Variants in ACOX2 observed in about 807,000 individuals in gnomAD.
ACOX2 encodes acyl-CoA oxidase 2, also known as peroxisomal acyl-coenzyme A oxidase 2.
In ACOX2, 59 loss-of-function variants were observed where a neutral mutation model predicts 77.5. That is an observed-to-expected ratio of 0.76 (90% confidence interval 0.62 to 0.95). The LOEUF is 0.95. Ranked by LOEUF, ACOX2 falls within the 40% of genes least tolerant of loss-of-function variation. The pLI, the probability that ACOX2 is intolerant of heterozygous loss-of-function variation, is 0.00. For synonymous variants in ACOX2, 317 were observed against 340.1 expected, an observed-to-expected ratio of 0.93 and a Z score of 0.75; for missense variants, 837 against 880.4, an observed-to-expected ratio of 0.95 and a Z score of 0.62.
At chr3:58,509,567 T>C (rs957836192) in intron 13 of ACOX2, among the ~76,000 whole-genome samples, 2 of 151,028 alleles carry the variant, frequency 1.3e-5, no homozygotes, top group Admixed American at 1.3e-4. Flanking sequence ...AGCATATACC[T>C]GTCTGATTTC....
In ACOX2 at chr3:58,534,645, A is replaced by G; in HGVS notation, c.161-123T>C. The G allele has an allele frequency of 6.4e-7, 1 of 1,566,962 alleles. No homozygotes were observed. Among genetic ancestry groups the G allele is most frequent in the African/African-American group, 1.3e-5 (1 of 74,292 alleles). The stretch of plus-strand genomic sequence containing the variant: ...GTCAGACATTATTGTTATTTTACAG[A>G]TGACAAAACTGAGGACCAAGGTGGG... On this transcript the variant is annotated intron_variant, in intron 2 of 14. Coordinates refer to ENST00000302819, the MANE Select transcript of ACOX2 (RefSeq NM_003500.4). This position sits in a 1 kb window ranked among gnomAD's most constrained non-coding sequence, Gnocchi z 4.8.
In ACOX2 at chr3:58,525,515, C is replaced by A. The variant is rs2063387891; in HGVS notation, c.1347-910G>T. On this transcript the variant is annotated intron_variant, in intron 10 of 14. Transcript: ENST00000302819. The surrounding 1 kb of genome is among the most constrained non-coding windows in gnomAD (Gnocchi z 5.0). ...GGAGCCTCTGTGTGCAGGCTCTGCACCAAGCTTAGGCGATGCTAAAGCGAG... is the reference window on the plus strand; with the variant it reads ...GGAGCCTCTGTGTGCAGGCTCTGCAACAAGCTTAGGCGATGCTAAAGCGAG... Among the ~76,000 whole-genome samples, 1 of 152,160 alleles carries A rather than the reference C, an allele frequency of 6.6e-6. No homozygotes were observed. Among genetic ancestry groups the A allele is most frequent in the South Asian group, 2.1e-4 (1 of 4,832 alleles).
chr3:58,510,668 ATAT>A (rs2063275987), intron 13 of ACOX2, among the ~76,000 whole-genome samples: 5 of 7,392 alleles, frequency 6.8e-4, no homozygotes, highest in African/African-American at 3.2e-3. Flanking sequence ...AAAAAAATAT[ATAT>A]ATATATATAT....
intron 8 of ACOX2, 190 bp from the exon 9 acceptor site, chr3:58,529,146 G>T (rs1560218785): frequency 5.8e-6 from 3 of 513,426 alleles, no homozygotes; most frequent in Non-Finnish European, 6.5e-6. Context: ...TTCACTGCAG[G>T]AATACTGACA....
chr3:58,536,764 G>A (rs911129679), intron 1 of ACOX2, among the ~76,000 whole-genome samples: 2 of 152,028 alleles, frequency 1.3e-5, no homozygotes. Flanking sequence ...ACCTTAAAGA[G>A]GCCACCCTCT....
rs749301026 is a variant in ACOX2, at chr3:58,528,803, G to T, written c.1146C>A (p.Phe382Leu). 5.0e-6 allele frequency: 8 copies of T among 1,608,610 alleles called. No homozygotes were observed. Among genetic ancestry groups the T allele is most frequent in the South Asian group, 1.1e-5 (1 of 89,850 alleles). Residue 382 changes from phenylalanine to leucine, a missense_variant, in exon 9 of 15, where the codon TTC becomes TTA. Phe to Leu is a conservative substitution (Grantham distance 22). Transcript: ENST00000302819. This position sits in a 1 kb window ranked among gnomAD's most constrained non-coding sequence, Gnocchi z 5.6. ...YTAILNQDFS[F>L]LPELHALSTG... ...CGCAGACAGCAGGTACCTCAGGCAG[G>T]AAGCTGAAGTCTTGGTTCAGAATGG...
At position 58,531,689 on chromosome 3, in the gene ACOX2, T is replaced by C; in HGVS notation, c.703+4A>G. On this transcript the variant is annotated splice_donor_region_variant and intron_variant, in intron 6 of 14. Coordinates refer to ENST00000302819, the MANE Select transcript of ACOX2 (RefSeq NM_003500.4). The surrounding 1 kb of genome is among the most constrained non-coding windows in gnomAD (Gnocchi z 5.8). ...GGTTCCTTGAGGGAGCATTATGGGCTTACCTGGCAGTGGGGTGTGGTCCTG... is the reference window on the plus strand; with the variant it reads ...GGTTCCTTGAGGGAGCATTATGGGCCTACCTGGCAGTGGGGTGTGGTCCTG... The C allele has an allele frequency of 1.2e-6, 2 of 1,613,714 alleles. No individual in the cohort carries two copies. Among genetic ancestry groups the C allele is most frequent in the Non-Finnish European group, 1.7e-6 (2 of 1,179,782 alleles).
At chr3:58,520,664 G>T (rs9819365) in intron 12 of ACOX2, among the ~76,000 whole-genome samples, 17,863 of 152,280 alleles carry the variant, frequency 0.12, 1,147 homozygotes, top group East Asian at 0.22. Flanking sequence ...CCAGTTGGGT[G>T]CTGAAGCTTT....
At position 58,536,447 on chromosome 3, in the gene ACOX2, A is replaced by G. The variant is rs908633739; in HGVS notation, c.-92+672T>C. 9.2e-5 allele frequency among the ~76,000 whole-genome samples: 14 copies of G among 152,178 alleles called. 1 individual carries two copies. Among genetic ancestry groups the G allele is most frequent in the Non-Finnish European group, 1.8e-4 (12 of 68,026 alleles). On this transcript the variant is annotated intron_variant, in intron 1 of 14. Transcript: ENST00000302819. ...GGGCCTTGGAAAGGGAGGAGACTTT[A>G]TAAGGGTCATGCAACCACATGTAGC...
intron 13 of ACOX2, 113 bp from the exon 14 acceptor site, chr3:58,509,138 CA>C: frequency 4.7e-6 from 6 of 1,271,286 alleles, no homozygotes; most frequent in Non-Finnish European, 6.6e-6. Context: ...ATTCGCTTTT[CA>C]AACAATTCAG....
rs1362045365 is a variant in ACOX2, at chr3:58,534,941, C to T, written c.160+6G>A. 6.2e-7 allele frequency: 1 copy of T among 1,614,120 alleles called. No homozygotes were observed. On this transcript the variant is annotated splice_donor_region_variant and intron_variant, in intron 2 of 14. Transcript: ENST00000302819. The surrounding 1 kb of genome is among the most constrained non-coding windows in gnomAD (Gnocchi z 4.8). ...ACAGATGTCCCATTCCCCAGCTTCC[C>T]CTTACCAACTTTCCTGCGGAGTGCA...
chr3:58,534,299 G>A lies in ACOX2; in HGVS notation c.323+61C>T. 1 of 1,601,718 alleles carries A rather than the reference G, an allele frequency of 6.2e-7. No individual in the cohort carries two copies. Among genetic ancestry groups the A allele is most frequent in the South Asian group, 1.1e-5 (1 of 89,278 alleles). On this transcript the variant is annotated intron_variant, in intron 3 of 14. Coordinates refer to ENST00000302819, the MANE Select transcript of ACOX2 (RefSeq NM_003500.4). The surrounding 1 kb of genome is among the most constrained non-coding windows in gnomAD (Gnocchi z 4.8). Reference sequence around the variant, plus strand: ...TGGGGGAAATGGCTCATGGGGCTAGGGGGTTTCCAGGTGATCCCAGGTAGA... The same window carrying A: ...TGGGGGAAATGGCTCATGGGGCTAGAGGGTTTCCAGGTGATCCCAGGTAGA...
Position 58,533,791 on chromosome 3 carries a change from C to A in ACOX2, c.475+203G>T, listed in dbSNP as rs1298445393. On this transcript the variant is annotated intron_variant, in intron 4 of 14. Coordinates refer to ENST00000302819, the MANE Select transcript of ACOX2 (RefSeq NM_003500.4). This position sits in a 1 kb window ranked among gnomAD's most constrained non-coding sequence, Gnocchi z 5.6. ...TGATGTTTCCAGAAGGAATGACTTGCCCCACTGGGAGCTCATACAATACGT... is the reference window on the plus strand; with the variant it reads ...TGATGTTTCCAGAAGGAATGACTTGACCCACTGGGAGCTCATACAATACGT... 1 of 724,236 alleles carries A rather than the reference C, an allele frequency of 1.4e-6. No homozygotes were observed. Among genetic ancestry groups the A allele is most frequent in the Admixed American group, 2.9e-5 (1 of 34,420 alleles). The allele number at this position is 724,236 out of a possible 1,614,324, so 44.9% of individuals were successfully genotyped here. A position where few individuals can be genotyped will look rare whatever the true frequency, so the allele number is the denominator to read the frequency against.
rs559793867 is a variant in ACOX2, at chr3:58,522,556, G to A, written c.1572C>T (p.Ser524=). ...SVQHLQTLTQ[S]GADQHEAWNQ... The stretch of plus-strand genomic sequence containing the variant: ...TCCAAGCCTCGTGCTGGTCAGCTCC[G>A]GATTGCGTCAGGGTCTGTAAATGCT... Residue 524 remains serine, a synonymous_variant, in exon 12 of 15, where the codon TCC becomes TCT. Transcript: ENST00000302819. The surrounding 1 kb of genome is among the most constrained non-coding windows in gnomAD (Gnocchi z 4.3). The A allele has an allele frequency of 3.1e-5, 50 of 1,614,152 alleles. No homozygotes were observed. The East Asian group carries it at 4.2e-4, about 14-fold the overall frequency.
chr3:58,508,215 A>T (rs1020291323), intron 14 of ACOX2, among the ~76,000 whole-genome samples: 27 of 152,112 alleles, frequency 1.8e-4, no homozygotes, highest in African/African-American at 6.5e-4. Context: ...CTGGCCCTTG[A>T]GTGTTGGGAC....
rs1291048068 is a variant in ACOX2 at position 58,531,763 on chromosome 3, T to G, written c.633A>C (p.Ser211=). ...HALVQAQLIC[S]GARRGMHAFI... Reference sequence around the variant, plus strand: ...AAGCGTGCATGCCCCGCCTGGCTCCTGAGCAGATCAGCTGGGCCTGGACCA... The same window carrying G: ...AAGCGTGCATGCCCCGCCTGGCTCCGGAGCAGATCAGCTGGGCCTGGACCA... Residue 211 remains serine (S), a synonymous_variant, in exon 6 of 15, where the codon TCA becomes TCC. Transcript: ENST00000302819. The surrounding 1 kb of genome is among the most constrained non-coding windows in gnomAD (Gnocchi z 5.8). The G allele has an allele frequency of 6.2e-7, 1 of 1,614,184 alleles. No individual in the cohort carries two copies. Among genetic ancestry groups the G allele is most frequent in the East Asian group, 2.2e-5 (1 of 44,872 alleles).
At chr3:58,510,663 AATATATATATATAT>A (rs1364040351) in intron 13 of ACOX2, among the ~76,000 whole-genome samples, 9 of 14,364 alleles carry the variant, frequency 6.3e-4, no homozygotes, top group African/African-American at 1.5e-3. Flanking sequence ...AAAAAAAAAA[AATATATATATATAT>A]ATATATATAT....
At position 58,533,077 on chromosome 3, in the gene ACOX2, A is replaced by C. The variant is rs1392553590; in HGVS notation, c.583+368T>G. Among the ~76,000 whole-genome samples the C allele has an allele frequency of 6.6e-6, 1 of 152,140 alleles. No homozygotes were observed. The highest frequency in any genetic ancestry group is 6.5e-5 in the Admixed American group (1 of 15,284). The stretch of plus-strand genomic sequence containing the variant: ...CAGGGCCTGTGCTCTGGCTGGTGGC[A>C]AGCTCTGCCACTAACTCGGGAGATG... On this transcript the variant is annotated intron_variant, in intron 5 of 14. Coordinates refer to ENST00000302819, the MANE Select transcript of ACOX2 (RefSeq NM_003500.4). The surrounding 1 kb of genome is among the most constrained non-coding windows in gnomAD (Gnocchi z 5.6).
Position 58,522,650 on chromosome 3 carries a change from A to T in ACOX2, c.1527-49T>A. On this transcript the variant is annotated intron_variant, in intron 11 of 14. Coordinates refer to ENST00000302819, the MANE Select transcript of ACOX2 (RefSeq NM_003500.4). The surrounding 1 kb of genome is among the most constrained non-coding windows in gnomAD (Gnocchi z 4.3). ...TCAGCTTCCTGACTGAGTGGAAAAG[A>T]CAACTGATGGGCTTCCTGTGGTCCC... The T allele has an allele frequency of 6.5e-7, 1 of 1,541,736 alleles. No homozygotes were observed. Among genetic ancestry groups the T allele is most frequent in the Non-Finnish European group, 9.0e-7 (1 of 1,114,140 alleles).
Sources: allele counts gnomAD v4.1 joint callset (sites outside exome capture counted in the v4.1 genomes callset), GRCh38; gene constraint gnomAD v4.1.1; non-coding constraint Gnocchi (gnomAD v3.1); transcripts MANE v1.5; gene names NCBI Gene and HGNC (gene_info 2026-07-23, HGNC 2026-07-21).